RTTN: variants seen among roughly 807,000 people sequenced by gnomAD.
RTTN encodes rotatin.
Under a neutral mutation model 269.2 loss-of-function variants are expected in RTTN, and 182 were observed. The ratio of observed to expected loss-of-function variants is 0.68; its 90% CI spans 0.60 to 0.76. The LOEUF (loss-of-function observed/expected upper bound fraction) is 0.76. RTTN is among the 30% of genes least tolerant of loss of function. The pLI, the probability that RTTN is intolerant of heterozygous loss-of-function variation, is 0.00. For synonymous variants in RTTN, 1,006 were observed against 963.5 expected, an observed-to-expected ratio of 1.04 and a Z score of -0.82; for missense variants, 2,545 against 2,608.6, an observed-to-expected ratio of 0.98 and a Z score of 0.53.
intron 10 of RTTN, among the ~76,000 whole-genome samples, chr18:70,184,612 T>G (rs2061491489): frequency 6.6e-6 from 1 of 151,440 alleles, no homozygotes. Context: ...TATATGGTAT[T>G]CATGGATCAG....
chr18:70,074,133 C>A, intron 33 of RTTN, 139 bp from the exon 34 acceptor site: 1 of 462,214 alleles, frequency 2.2e-6, no homozygotes, highest in Non-Finnish European at 3.9e-6. Flanking sequence ...CTGAGATAGA[C>A]CACTATTTAA....
At position 70,193,285 on chromosome 18, in the gene RTTN, CA is replaced by C; in HGVS notation, c.1007+2del. The C allele has an allele frequency of 1.2e-6, 2 of 1,608,912 alleles. No homozygotes were observed. Among genetic ancestry groups the C allele is most frequent in the Non-Finnish European group, 1.7e-6 (2 of 1,177,494 alleles). The stretch of plus-strand genomic sequence containing the variant: ...TTTCCCCAGAGACACTGCTAGCAGT[CA>C]CCTAGAGGACGCTGCATCCCAGTCC... On this transcript the variant is annotated splice_donor_variant, in intron 8 of 48. Transcript: ENST00000640769. LOFTEE classifies it high-confidence loss of function.
intron 32 of RTTN, among the ~76,000 whole-genome samples, chr18:70,081,384 A>G (rs796711163): frequency 6.6e-6 from 1 of 152,174 alleles, no homozygotes; most frequent in Non-Finnish European, 1.5e-5. Flanking sequence ...TGAGAAACAG[A>G]TATTTACAGT....
At chr18:70,190,760 A>C in intron 8 of RTTN, 41 bp from the exon 9 acceptor site, 1 of 1,433,790 alleles carries the variant, frequency 7.0e-7, no homozygotes, top group Non-Finnish European at 9.7e-7. Context: ...TACAGAAACA[A>C]TCCCCAAACA....
Position 70,190,691 on chromosome 18 carries a change from A to C in RTTN, c.1036T>G (p.Ser346Ala). Residue 346 changes from serine to alanine, a missense_variant, in exon 9 of 49, where the codon TCC becomes GCC. Coordinates refer to ENST00000640769, the MANE Select transcript of RTTN (RefSeq NM_173630.4). ...SGSSSHAHVN[S>A]RISVHSPLDM... ...AAAGGTGAATGAACGGATATCCTGG[A>C]GTTTACATGAGCATGACTACTACTT... 6.2e-7 allele frequency: 1 copy of C among 1,610,796 alleles called. No individual in the cohort carries two copies. The highest frequency in any genetic ancestry group is 8.5e-7 in the Non-Finnish European group (1 of 1,177,294).
At chr18:70,161,113 G>GTAACCAAA (rs1330955388) in intron 14 of RTTN, among the ~76,000 whole-genome samples, 2 of 152,190 alleles carry the variant, frequency 1.3e-5, no homozygotes, top group African/African-American at 4.8e-5. Context: ...TGGGGCTACA[G>GTAACCAAA]TAACCAAAAC....
At chr18:70,109,385 T>C in intron 28 of RTTN, 113 bp downstream of exon 28, 1 of 711,950 alleles carries the variant, frequency 1.4e-6, no homozygotes. Flanking sequence ...ATGACTTATA[T>C]AAATAATGTA....
chr18:70,041,203 C>CT (rs1327235516), intron 40 of RTTN, among the ~76,000 whole-genome samples: 2 of 151,264 alleles, frequency 1.3e-5, no homozygotes, highest in African/African-American at 4.9e-5. Context: ...GAGTGAGACT[C>CT]TGTCTCAAAA....
At chr18:70,145,880 C>T in intron 17 of RTTN, 97 bp from the exon 18 acceptor site, 3 of 907,056 alleles carry the variant, frequency 3.3e-6, no homozygotes, top group Admixed American at 2.7e-5. Context: ...CAACAAAGTA[C>T]AATAAGTAGT....
chr18:70,007,187 G>C (rs2056220252), intron 46 of RTTN: 1 of 152,400 alleles, frequency 6.6e-6, no homozygotes, highest in Non-Finnish European at 1.5e-5. Context: ...GCCAAGGGAA[G>C]CTCTGAGAAA....
chr18:70,109,537 A>G lies in RTTN; in HGVS notation c.3864T>C (p.Pro1288=). The change falls in exon 28 of 49, where the codon CCT becomes CCC. Residue 1288 remains proline, a synonymous_variant. Coordinates refer to ENST00000640769, the MANE Select transcript of RTTN (RefSeq NM_173630.4). Reference sequence around the variant, plus strand: ...ACAAGTACTTCACACAGATATCTAGAGGCTTTGTGAGAGGAGAGTGTGAGC... The same window carrying G: ...ACAAGTACTTCACACAGATATCTAGGGGCTTTGTGAGAGGAGAGTGTGAGC... ...GWSSHSPLTK[P]LDICVKYLSG... is the part of the protein sequence containing the mutation. 6.2e-7 allele frequency: 1 copy of G among 1,614,168 alleles called. No individual in the cohort carries two copies. Among genetic ancestry groups the G allele is most frequent in the East Asian group, 2.2e-5 (1 of 44,880 alleles).
At chr18:70,133,911 C>T (rs989096814) in intron 23 of RTTN, among the ~76,000 whole-genome samples, 4 of 152,060 alleles carry the variant, frequency 2.6e-5, no homozygotes, top group African/African-American at 9.7e-5. Flanking sequence ...AAACCAAATA[C>T]AATGCAGAAC....
chr18:70,018,405 T>C (rs2056604237), intron 45 of RTTN, among the ~76,000 whole-genome samples: 1 of 152,194 alleles, frequency 6.6e-6, no homozygotes, highest in Non-Finnish European at 1.5e-5. Flanking sequence ...CTGCAGCCCA[T>C]GGCAGCATGG....
chr18:70,135,145 T>C lies in RTTN; in HGVS notation c.2885+39A>G, dbSNP rs377744032. On this transcript the variant is annotated intron_variant, in intron 22 of 48. Coordinates refer to ENST00000640769, the MANE Select transcript of RTTN (RefSeq NM_173630.4). Reference sequence around the variant, plus strand: ...GATTACATCAGATACCTGAGATAAATAGTTAAGAGTAAAAAACTTATAAAT... The same window carrying C: ...GATTACATCAGATACCTGAGATAAACAGTTAAGAGTAAAAAACTTATAAAT... The C allele has an allele frequency of 4.4e-5, 49 of 1,124,866 alleles. No homozygotes were observed. The Admixed American group carries it at 1.0e-3, about 24-fold the overall frequency. The allele number at this position is 1,124,866 out of a possible 1,614,324, so 69.7% of individuals were successfully genotyped here. A position where few individuals can be genotyped will look rare whatever the true frequency, so the allele number is the denominator to read the frequency against.
At chr18:70,194,822 A>G (rs2061763770) in intron 7 of RTTN, 1 of 152,218 alleles carries the variant, frequency 6.6e-6, no homozygotes, top group Non-Finnish European at 1.5e-5. Context: ...CTGCTTAATG[A>G]TTAGAGTTTC....
intron 4 of RTTN, among the ~76,000 whole-genome samples, chr18:70,201,149 T>C (rs1264308506): frequency 6.6e-6 from 1 of 151,814 alleles, no homozygotes; most frequent in Non-Finnish European, 1.5e-5. Flanking sequence ...AGAAACAGGG[T>C]TCTAAATCAG....
At chr18:70,204,788 G>A (rs1298457623) in intron 2 of RTTN, among the ~76,000 whole-genome samples, 3 of 152,162 alleles carry the variant, frequency 2.0e-5, no homozygotes, top group Non-Finnish European at 2.9e-5. Context: ...TATTTTTAAA[G>A]TGCTCCCTTT....
chr18:70,115,489 T>G (rs1356106336), intron 26 of RTTN, among the ~76,000 whole-genome samples: 6 of 150,710 alleles, frequency 4.0e-5, no homozygotes, highest in Non-Finnish European at 8.9e-5. Flanking sequence ...GGGATATTTA[T>G]TAATCATCTA....
chr18:70,036,135 G>A (rs2057165845), intron 40 of RTTN, among the ~76,000 whole-genome samples: 1 of 152,146 alleles, frequency 6.6e-6, no homozygotes, highest in African/African-American at 2.4e-5. Context: ...AGGCAGTGTG[G>A]TGATTCCTCA....
Sources: gnomAD v4.1 joint callset for allele counts (sites outside exome capture counted in the v4.1 genomes callset) on GRCh38, gnomAD v4.1.1 for gene constraint, MANE v1.5 for transcripts, NCBI Gene and HGNC (gene_info 2026-07-23, HGNC 2026-07-21) for gene names.